DHX40: variants seen among roughly 807,000 people sequenced by gnomAD.
The protein encoded by DHX40 is probable ATP-dependent RNA helicase DHX40.
Under a neutral mutation model 89.6 loss-of-function variants are expected in DHX40, and 28 were observed. That is an observed-to-expected ratio of 0.31 (90% CI 0.23 to 0.43). The LOEUF (loss-of-function observed/expected upper bound fraction) is 0.43, where lower values mean the gene tolerates loss of function less well. Ranked by LOEUF, DHX40 falls within the 20% of genes least tolerant of loss-of-function variation. The probability of loss-of-function intolerance (pLI) is 1.00; values close to 1 mark genes in which losing one functional copy is unlikely to be tolerated. For synonymous variants in DHX40, 226 were observed against 283.6 expected (o/e 0.80, Z 2.04); for missense variants, 457 against 844.0 (o/e 0.54, Z 5.68).
At chr17:59,607,012 A>G (rs753156380) in intron 17 of DHX40, 21 bp from the exon 18 acceptor site, 1 of 1,601,796 alleles carries the variant, frequency 6.2e-7, no homozygotes, top group Non-Finnish European at 8.5e-7. Context: ...GTTTTATTGG[A>G]TTAATTTGTA....
intron 12 of DHX40, among the ~76,000 whole-genome samples, chr17:59,588,263 T>C (rs1391480901): frequency 6.7e-6 from 1 of 148,234 alleles, no homozygotes; most frequent in Non-Finnish European, 1.5e-5. Context: ...ATTAATAGAC[T>C]TTATTTTTTA....
chr17:59,598,135 G>A (rs1170337142), intron 12 of DHX40, among the ~76,000 whole-genome samples: 1 of 151,924 alleles, frequency 6.6e-6, no homozygotes, highest in Non-Finnish European at 1.5e-5. Context: ...TGAAATTGCT[G>A]GGATTACAGG....
intron 16 of DHX40, 38 bp downstream of exon 16, chr17:59,605,222 A>G: frequency 1.9e-6 from 3 of 1,583,076 alleles, no homozygotes; most frequent in Non-Finnish European, 2.6e-6. Flanking sequence ...AGAAATTTGT[A>G]AAGTTGTAGA....
At chr17:59,570,375 A>G (rs1049935195) in intron 2 of DHX40, 143 bp from the exon 3 acceptor site, 1 of 556,634 alleles carries the variant, frequency 1.8e-6, no homozygotes, top group Admixed American at 3.9e-5. Flanking sequence ...CCATGATGCA[A>G]ACATAGCAGT....
intron 2 of DHX40, among the ~76,000 whole-genome samples, chr17:59,567,501 T>C (rs1239987305): frequency 6.6e-6 from 1 of 152,222 alleles, no homozygotes; most frequent in Non-Finnish European, 1.5e-5. Context: ...GCTTTTTGTT[T>C]TCTGTTTCTG....
At chr17:59,601,463 TAATCCCATCTA>T (rs1304238783) in intron 14 of DHX40, among the ~76,000 whole-genome samples, 1 of 152,156 alleles carries the variant, frequency 6.6e-6, no homozygotes, top group East Asian at 1.9e-4. Context: ...AATCTGCCAT[TAATCCCATCTA>T]GTATATTTGT....
chr17:59,573,001 T>C, intron 3 of DHX40, 115 bp from the exon 4 acceptor site: 1 of 1,118,658 alleles, frequency 8.9e-7, no homozygotes, highest in East Asian at 2.6e-5. Context: ...ACTATTTTTA[T>C]GTACCCTTTT....
In DHX40 at chr17:59,586,141, T is replaced by C. The variant is rs752090696; in HGVS notation, c.1344-12T>C. ...GAATGCCTCTCACTTCATATCTCATTTAAACACACAGGTTTCCCTATTTGG... is the reference window on the plus strand; with the variant it reads ...GAATGCCTCTCACTTCATATCTCATCTAAACACACAGGTTTCCCTATTTGG... On this transcript the variant is annotated splice_polypyrimidine_tract_variant and intron_variant, in intron 10 of 17. Coordinates refer to ENST00000251241, the MANE Select transcript of DHX40 (RefSeq NM_024612.5). 13 of 1,571,052 alleles carry C rather than the reference T, an allele frequency of 8.3e-6. No individual in the cohort carries two copies. Among genetic ancestry groups the C allele is most frequent in the Non-Finnish European group, 1.1e-5 (13 of 1,154,076 alleles).
chr17:59,600,207 A>G (rs922926640), intron 14 of DHX40, among the ~76,000 whole-genome samples: 12 of 152,166 alleles, frequency 7.9e-5, no homozygotes, highest in African/African-American at 2.9e-4. Context: ...GCTTTCTGTC[A>G]TGATACAGTA....
In DHX40 at chr17:59,583,569, C is replaced by T. The variant is rs1006057264; in HGVS notation, c.1344-2584C>T. On this transcript the variant is annotated intron_variant, in intron 10 of 17. Transcript: ENST00000251241. ...ATCACAACCTTAATATTGGCTTATA[C>T]GTATGGCTCTGTTTAAAAAATTTTT... Among the ~76,000 whole-genome samples, 29 of 140,506 alleles carry T rather than the reference C, an allele frequency of 2.1e-4. 3 individuals are homozygous for T. The highest frequency in any genetic ancestry group is 3.4e-4 in the Non-Finnish European group (21 of 61,940). The allele number at this position is 140,506 out of a possible 152,430, so 92.2% of individuals were successfully genotyped here.
At chr17:59,565,867 G>C (rs1213579674) in intron 1 of DHX40, 84 bp downstream of exon 1, 1 of 1,233,124 alleles carries the variant, frequency 8.1e-7, no homozygotes, top group Non-Finnish European at 1.1e-6. Context: ...GCCTTTGGCA[G>C]GCTGAGAAGA....
rs2697408 is a variant in DHX40, at chr17:59,577,294, A to G, written c.1002A>G (p.Pro334=). Residue 334 remains proline, a synonymous_variant, in exon 8 of 18, where the codon CCA becomes CCG. Transcript: ENST00000251241. The stretch of plus-strand genomic sequence containing the variant: ...AACAGAGGAGGATATTTTTGCCACC[A>G]CCACCTGGAATTAGAAAATGTGTCA... ...TDQQRRIFLP[P]PPGIRKCVIS... 3,220 of 1,609,196 alleles carry G rather than the reference A, an allele frequency of 2.0e-3. 10 individuals carry two copies. Among genetic ancestry groups the G allele is most frequent in the Non-Finnish European group, 2.0e-3 (2,395 of 1,175,476 alleles).
intron 10 of DHX40, among the ~76,000 whole-genome samples, chr17:59,585,851 G>T (rs2048987435): frequency 6.7e-6 from 1 of 148,762 alleles, no homozygotes; most frequent in Non-Finnish European, 1.5e-5. Flanking sequence ...CTGCAGAAAA[G>T]AGTAGACTTG....
chr17:59,591,107 A>G (rs1210240234), intron 12 of DHX40, among the ~76,000 whole-genome samples: 98 of 150,338 alleles, frequency 6.5e-4, no homozygotes, highest in Admixed American at 1.3e-3. Context: ...TCAGGAGTTT[A>G]AGACCAGCCT....
At chr17:59,606,538 A>G (rs1192859806) in intron 17 of DHX40, among the ~76,000 whole-genome samples, 1 of 152,138 alleles carries the variant, frequency 6.6e-6, no homozygotes, top group Non-Finnish European at 1.5e-5. Context: ...CGAGGTCAGG[A>G]GATCGAGACC....
At chr17:59,607,005 T>A in intron 17 of DHX40, 28 bp from the exon 18 acceptor site, 1 of 1,594,642 alleles carries the variant, frequency 6.3e-7, no homozygotes, top group African/African-American at 1.4e-5. Context: ...AAGCTAAGTT[T>A]TATTGGATTA....
chr17:59,570,485 A>G (rs745999399), intron 2 of DHX40, 33 bp from the exon 3 acceptor site: 3 of 1,569,560 alleles, frequency 1.9e-6, no homozygotes, highest in Admixed American at 1.9e-5. Context: ...AATTGCTAAC[A>G]TTGTTGTGTT....
intron 12 of DHX40, among the ~76,000 whole-genome samples, chr17:59,598,161 C>T (rs545822448): frequency 6.6e-6 from 1 of 152,152 alleles, no homozygotes; most frequent in Admixed American, 6.5e-5. Flanking sequence ...GCTACCACAC[C>T]TGGCCCTATA....
Position 59,608,028 on chromosome 17 carries a change from C to T in DHX40, c.*856C>T, listed in dbSNP as rs1219317815. On this transcript the variant is annotated 3_prime_UTR_variant, in exon 18 of 18. Coordinates refer to ENST00000251241, the MANE Select transcript of DHX40 (RefSeq NM_024612.5). ...GTTATTTCCACCTGTTTGGGTAGGG[C>T]CATTTAACTTCCATTATGCCAAACT... 1 of 154,664 alleles carries T rather than the reference C, an allele frequency of 6.5e-6. No individual in the cohort carries two copies. The highest frequency in any genetic ancestry group is 1.5e-5 in the Non-Finnish European group (1 of 68,190). 9.6% of individuals were successfully genotyped at this position (154,664 alleles called of 1,614,324 possible).
Sources: gnomAD v4.1 joint callset for allele counts (sites outside exome capture counted in the v4.1 genomes callset) on GRCh38, gnomAD v4.1.1 for gene constraint, MANE v1.5 for transcripts, NCBI Gene and HGNC (gene_info 2026-07-23, HGNC 2026-07-21) for gene names.